The following DTWD2 variants were observed in gnomAD, a reference collection of about 807,000 sequenced individuals.
The protein encoded by DTWD2 is DTW motif tRNA-uridine aminocarboxypropyltransferase 2.
DTWD2 carries 39 observed loss-of-function variants against 31.8 expected under a neutral mutation model. The ratio of observed to expected loss-of-function variants is 1.22; its 90% CI spans 0.95 to 1.60. The LOEUF (loss-of-function observed/expected upper bound fraction) is 1.60. DTWD2 is among the 40% of genes most tolerant of loss of function. DTWD2 has a pLI of 0.00. For missense variants in DTWD2, 515 were observed against 381.5 expected, an observed-to-expected ratio of 1.35 and a Z score of -2.92; for synonymous variants, 180 against 142.8, an observed-to-expected ratio of 1.26 and a Z score of -1.86.
At chr5:118,886,764 C>G (rs1431827950) in intron 4 of DTWD2, among the ~76,000 whole-genome samples, 1 of 152,086 alleles carries the variant, frequency 6.6e-6, no homozygotes, top group Non-Finnish European at 1.5e-5. Context: ...ATATTTCTTA[C>G]AACTGCATGT....
rs186921402 is a variant in DTWD2 at position 118,946,303 on chromosome 5, G to A, written c.219-1654C>T. 3.9e-5 allele frequency among the ~76,000 whole-genome samples: 6 copies of A among 152,226 alleles called. No homozygotes were observed. The East Asian group carries it at 5.8e-4, about 15-fold the overall frequency. ...ACTGGATTTCCTCTCAGGAATATGA[G>A]GAGATTTTTGAGATGGAAAGTCTTT... is the stretch of plus-strand genomic sequence containing the variant. On this transcript the variant is annotated intron_variant, in intron 1 of 5. Coordinates refer to ENST00000510708, the MANE Select transcript of DTWD2 (RefSeq NM_173666.4).
intron 1 of DTWD2, among the ~76,000 whole-genome samples, chr5:118,965,631 C>A (rs1023039380): frequency 4.6e-5 from 7 of 152,146 alleles, no homozygotes; most frequent in East Asian, 1.9e-4. Flanking sequence ...AGATCTATGA[C>A]CTTACCCCCA....
intron 1 of DTWD2, among the ~76,000 whole-genome samples, chr5:118,953,889 A>T (rs530415876): frequency 3.9e-5 from 6 of 152,148 alleles, no homozygotes; most frequent in African/African-American, 1.4e-4. Flanking sequence ...GTGTCTAGCA[A>T]CTGGTGCTCT....
chr5:118,927,512 ATG>A (rs1055404269), intron 4 of DTWD2, among the ~76,000 whole-genome samples: 8 of 151,922 alleles, frequency 5.3e-5, no homozygotes, highest in African/African-American at 1.4e-4. Flanking sequence ...ACGTTTGTGT[ATG>A]TGTGTGTGTC....
intron 4 of DTWD2, among the ~76,000 whole-genome samples, chr5:118,890,912 A>T (rs895636651): frequency 1.3e-5 from 2 of 152,142 alleles, no homozygotes; most frequent in Non-Finnish European, 2.9e-5. Context: ...TGTGTTAAAT[A>T]GTTTGAAGGT....
intron 4 of DTWD2, among the ~76,000 whole-genome samples, chr5:118,860,677 T>C (rs1279235895): frequency 6.6e-6 from 1 of 152,146 alleles, no homozygotes; most frequent in Non-Finnish European, 1.5e-5. Flanking sequence ...TAATAGAGCA[T>C]ATTGTTTAGG....
At chr5:118,973,653 TCGCGG>T (rs2149599876) in intron 1 of DTWD2, 7 of 801,696 alleles carry the variant, frequency 8.7e-6, no homozygotes, top group Admixed American at 2.5e-5. Context: ...GCCTCCTTGC[TCGCGG>T]CAGCCTCCTT....
At position 118,855,415 on chromosome 5, in the gene DTWD2, A is replaced by T. The variant is rs141434093; in HGVS notation, c.598-7197T>A. On this transcript the variant is annotated intron_variant, in intron 4 of 5. Coordinates refer to ENST00000510708, the MANE Select transcript of DTWD2 (RefSeq NM_173666.4). ...TAAAACAAGTGATATGGGAATTTTT[A>T]AAATTTTATTTATTTTCTTTATTTA... Among the ~76,000 whole-genome samples the T allele has an allele frequency of 4.6e-3, 685 of 149,788 alleles. 7 individuals carry two copies. The highest frequency in any genetic ancestry group is 0.016 in the African/African-American group (638 of 39,366).
chr5:118,900,410 G>A (rs1753179102), intron 4 of DTWD2, among the ~76,000 whole-genome samples: 1 of 152,240 alleles, frequency 6.6e-6, no homozygotes, highest in Non-Finnish European at 1.5e-5. Flanking sequence ...ACACAATAAT[G>A]CTACAAAACT....
At chr5:118,848,369 G>T in intron 4 of DTWD2, 151 bp from the exon 5 acceptor site, 2 of 643,840 alleles carry the variant, frequency 3.1e-6, no homozygotes, top group Non-Finnish European at 2.5e-6. Context: ...ACATCCTTTT[G>T]TTGCAATTGT....
chr5:118,973,637 GCGGCAGC>G (rs1755046594), intron 1 of DTWD2, among the ~76,000 whole-genome samples: 1 of 149,038 alleles, frequency 6.7e-6, no homozygotes, highest in Admixed American at 7.4e-5. Flanking sequence ...CTCCTTGCTC[GCGGCAGC>G]CTCCTTGCTC....
At chr5:118,882,301 T>A (rs887319989) in intron 4 of DTWD2, among the ~76,000 whole-genome samples, 2 of 152,232 alleles carry the variant, frequency 1.3e-5, no homozygotes, top group African/African-American at 2.4e-5. Flanking sequence ...GTCTTGCACA[T>A]CTCAGCCCCT....
At chr5:118,877,600 G>A (rs1752650549) in intron 4 of DTWD2, among the ~76,000 whole-genome samples, 2 of 152,126 alleles carry the variant, frequency 1.3e-5, no homozygotes, top group South Asian at 2.1e-4. Context: ...GGGCAAAAGA[G>A]GGAAGTATAC....
chr5:118,974,634 T>C, intron 1 of DTWD2: 1 of 506,508 alleles, frequency 2.0e-6, no homozygotes, highest in Non-Finnish European at 4.0e-6. Context: ...TACTTAGCTG[T>C]ACTATAAGTA....
chr5:118,944,300 T>C (rs1485233646), intron 2 of DTWD2, among the ~76,000 whole-genome samples: 1 of 152,202 alleles, frequency 6.6e-6, no homozygotes, highest in Non-Finnish European at 1.5e-5. Flanking sequence ...TTTTTCTTCA[T>C]ACAAAATTGT....
chr5:118,902,548 A>G (rs1753235180), intron 4 of DTWD2, among the ~76,000 whole-genome samples: 1 of 152,164 alleles, frequency 6.6e-6, no homozygotes, highest in Non-Finnish European at 1.5e-5. Flanking sequence ...CAACATAATT[A>G]TCTCAATGGG....
At chr5:118,920,410 G>A (rs1036622049) in intron 4 of DTWD2, among the ~76,000 whole-genome samples, 3 of 151,894 alleles carry the variant, frequency 2.0e-5, no homozygotes, top group Non-Finnish European at 2.9e-5. Context: ...CAAACACAAC[G>A]TACTCTTAAC....
intron 4 of DTWD2, among the ~76,000 whole-genome samples, chr5:118,862,454 A>T (rs1259260639): frequency 6.6e-6 from 1 of 152,196 alleles, no homozygotes; most frequent in Non-Finnish European, 1.5e-5. Flanking sequence ...TGTAAATGAG[A>T]AGGTATCAAG....
chr5:118,922,319 T>C (rs947991534), intron 4 of DTWD2, among the ~76,000 whole-genome samples: 2 of 152,220 alleles, frequency 1.3e-5, no homozygotes, highest in African/African-American at 2.4e-5. Context: ...ATTTCTTCTA[T>C]AAACACAACA....
Sources: gnomAD v4.1 joint callset for allele counts (sites outside exome capture counted in the v4.1 genomes callset) on GRCh38, gnomAD v4.1.1 for gene constraint, MANE v1.5 for transcripts, NCBI Gene and HGNC (gene_info 2026-07-23, HGNC 2026-07-21) for gene names.